CFAP44: variants seen among roughly 807,000 people sequenced by gnomAD.
CFAP44 encodes the protein cilia- and flagella-associated protein 44.
A neutral mutation model predicts 216.2 loss-of-function variants in CFAP44; 134 were observed. The observed-to-expected ratio is 0.62, with a 90% CI of 0.54 to 0.72. The LOEUF is 0.72. Ranked by LOEUF, CFAP44 falls within the 30% of genes least tolerant of loss-of-function variation. CFAP44 has a pLI of 0.00. For synonymous variants in CFAP44, 700 were observed against 727.6 expected, an observed-to-expected ratio of 0.96 and a Z score of 0.61; for missense variants, 2,035 against 2,182.1, an observed-to-expected ratio of 0.93 and a Z score of 1.34.
intron 22 of CFAP44, among the ~76,000 whole-genome samples, chr3:113,346,823 C>T (rs574877076): frequency 1.3e-4 from 20 of 152,330 alleles, no homozygotes; most frequent in African/African-American, 4.1e-4. Flanking sequence ...CAGCCAGCAG[C>T]GGCAAACCAC....
At chr3:113,441,375 G>C (rs1935359857) in intron 1 of CFAP44, 78 bp downstream of exon 1, 1 of 984,780 alleles carries the variant, frequency 1.0e-6, no homozygotes, top group Non-Finnish European at 1.2e-6. Flanking sequence ...AGAAGCCCAA[G>C]TGGGGTTCAC....
At position 113,420,018 on chromosome 3, in the gene CFAP44, C is replaced by T; in HGVS notation, c.569G>A (p.Gly190Glu). The change falls in exon 5 of 35, where the codon GGG (glycine) becomes GAG (glutamate). Residue 190 changes from glycine (G) to glutamate (E), a missense_variant and splice_region_variant. Coordinates refer to ENST00000393845, the MANE Select transcript of CFAP44 (RefSeq NM_001164496.2). Reference protein sequence around the residue: ...SSSGEGIGVIGVHPHKTYFTV... With the variant: ...SSSGEGIGVIEVHPHKTYFTV... The stretch of plus-strand genomic sequence containing the variant: ...TTTTCTAATTTATTGAAGGCATACC[C>T]CAATGACGCCAATTCCTTCACCACT... 1 of 1,611,932 alleles carries T rather than the reference C, an allele frequency of 6.2e-7. No individual in the cohort carries two copies. Among genetic ancestry groups the T allele is most frequent in the Non-Finnish European group, 8.5e-7 (1 of 1,179,212 alleles).
At position 113,287,268 on chromosome 3, in the gene CFAP44, C is replaced by T. The variant is rs1391921502; in HGVS notation, c.*4289G>A. ...GGCACGGTATCACAGCCTGGAGACACCCACACAGATGGCTGGATCCGGTGC... is the reference window on the plus strand; with the variant it reads ...GGCACGGTATCACAGCCTGGAGACATCCACACAGATGGCTGGATCCGGTGC... On this transcript the variant is annotated 3_prime_UTR_variant, in exon 35 of 35. Transcript: ENST00000393845. 8.3e-5 allele frequency: 27 copies of T among 325,126 alleles called. No homozygotes were observed. Among genetic ancestry groups the T allele is most frequent in the Non-Finnish European group, 1.2e-4 (20 of 166,040 alleles). The allele number at this position is 325,126 out of a possible 1,614,324, so 20.1% of individuals were successfully genotyped here.
At chr3:113,364,926 T>TAA (rs35327600) in intron 19 of CFAP44, among the ~76,000 whole-genome samples, 5 of 151,910 alleles carry the variant, frequency 3.3e-5, no homozygotes, top group African/African-American at 9.7e-5. Flanking sequence ...TTGTTTTTTT[T>TAA]AAAAAAAATC....
At chr3:113,419,597 T>C (rs1225054319) in intron 5 of CFAP44, among the ~76,000 whole-genome samples, 1 of 152,194 alleles carries the variant, frequency 6.6e-6, no homozygotes, top group African/African-American at 2.4e-5. Context: ...CCATAGTCAA[T>C]CTATGTCTAC....
intron 28 of CFAP44, among the ~76,000 whole-genome samples, chr3:113,326,149 A>G (rs1199296397): frequency 1.3e-5 from 2 of 152,374 alleles, no homozygotes; most frequent in South Asian, 2.1e-4. Context: ...AATAAGATAT[A>G]CATATGGCAA....
intron 34 of CFAP44, chr3:113,294,022 A>G (rs1223642916): frequency 2.2e-6 from 1 of 456,612 alleles, no homozygotes; most frequent in African/African-American, 2.0e-5. Flanking sequence ...CACTTAGCTT[A>G]GACCATTTCC....
At chr3:113,368,044 AG>A (rs1483260379) in intron 18 of CFAP44, among the ~76,000 whole-genome samples, 2 of 152,248 alleles carry the variant, frequency 1.3e-5, no homozygotes, top group Non-Finnish European at 2.9e-5. Context: ...TAGAGAAAAA[AG>A]AGTAAAAAGA....
Position 113,379,529 on chromosome 3 carries a change from C to T in CFAP44, c.2075G>A (p.Arg692Lys), listed in dbSNP as rs1489294283. The T allele has an allele frequency of 1.3e-6, 2 of 1,589,918 alleles. No homozygotes were observed. The highest frequency in any genetic ancestry group is 1.7e-6 in the Non-Finnish European group (2 of 1,160,188). The change falls in exon 17 of 35, where the codon AGG (arginine) becomes AAG (lysine). Residue 692 changes from arginine (R) to lysine (K), a missense_variant. Coordinates refer to ENST00000393845, the MANE Select transcript of CFAP44 (RefSeq NM_001164496.2). ...CTCCTTCAACTCCCTTTGTCTCTCC[C>T]TCTTTTCAATTTCTATTAATCTCTT... ...KILRLIEIEK[R>K]ERQRELKEKI...
At chr3:113,302,772 C>CAAAA (rs57355375) in intron 32 of CFAP44, among the ~76,000 whole-genome samples, 2,378 of 44,396 alleles carry the variant, frequency 0.054, 51 homozygotes, top group East Asian at 0.078. Flanking sequence ...GACTCCATCT[C>CAAAA]AAAAAAAAAA....
At chr3:113,374,143 A>C (rs967765799) in intron 17 of CFAP44, among the ~76,000 whole-genome samples, 23 of 152,144 alleles carry the variant, frequency 1.5e-4, no homozygotes, top group Non-Finnish European at 2.9e-4. Context: ...TAACATCATG[A>C]TCACCTCTGA....
chr3:113,373,272 T>G, intron 18 of CFAP44, 139 bp downstream of exon 18: 1 of 745,382 alleles, frequency 1.3e-6, no homozygotes, highest in Non-Finnish European at 1.9e-6. Context: ...TATTTATTCA[T>G]TTGATTTATT....
chr3:113,430,429 G>GAAAAAAAAAAA (rs754983161), intron 2 of CFAP44, among the ~76,000 whole-genome samples: 15 of 74,136 alleles, frequency 2.0e-4, no homozygotes, highest in East Asian at 4.5e-4. Flanking sequence ...AAAAATAAAT[G>GAAAAAAAAAAA]AAAAAAAAAA....
chr3:113,385,810 A>AT (rs34847590), intron 15 of CFAP44, among the ~76,000 whole-genome samples: 10,276 of 144,816 alleles, frequency 0.071, 1,117 homozygotes, highest in African/African-American at 0.24. Flanking sequence ...TAATTTTTGT[A>AT]TTTTTTTTTT....
At chr3:113,293,031 G>A (rs7626067) in intron 34 of CFAP44, among the ~76,000 whole-genome samples, 5,090 of 152,208 alleles carry the variant, frequency 0.033, 260 homozygotes, top group African/African-American at 0.11. Context: ...AAACCAAAGC[G>A]TGTAGTCATC....
rs770599155 is a variant in CFAP44 at position 113,358,746 on chromosome 3, G to A, written c.3064C>T (p.Arg1022Ter). 9 of 1,536,212 alleles carry A rather than the reference G, an allele frequency of 5.9e-6. No individual in the cohort carries two copies. The highest frequency in any genetic ancestry group is 2.7e-5 in the African/African-American group (2 of 72,958). ...HELGLMKLKN[R>*]FRDPLESDTI... ...GCTTGTAGAGAATATGGATCCTACC[G>A]ATTCTTTAGCTTCATTAGGCCGAGT... The change falls in exon 22 of 35, where the codon CGA becomes TGA. Residue 1022 changes from arginine (R) to a stop codon, truncating the protein, a stop_gained and splice_region_variant. Coordinates refer to ENST00000393845, the MANE Select transcript of CFAP44 (RefSeq NM_001164496.2). LOFTEE classifies it high-confidence loss of function.
At chr3:113,428,081 G>A (rs1222868151) in intron 2 of CFAP44, among the ~76,000 whole-genome samples, 2 of 152,222 alleles carry the variant, frequency 1.3e-5, no homozygotes, top group African/African-American at 4.8e-5. Context: ...GAGTTCCTTA[G>A]GATGCGTGTA....
rs181705186 is a variant in CFAP44, at chr3:113,377,434, T to C, written c.2298+1872A>G. ...GGAGCCAGATTGCTTGAGTCCAGAT[T>C]CTAGTTTCACTTCTCATTAGTTATA... is the stretch of plus-strand genomic sequence containing the variant. On this transcript the variant is annotated intron_variant, in intron 17 of 34. Coordinates refer to ENST00000393845, the MANE Select transcript of CFAP44 (RefSeq NM_001164496.2). Among the ~76,000 whole-genome samples, 286 of 152,226 alleles carry C rather than the reference T, an allele frequency of 1.9e-3. 2 individuals carry two copies. Among genetic ancestry groups the C allele is most frequent in the African/African-American group, 5.6e-3 (233 of 41,518 alleles).
chr3:113,293,487 T>C (rs1206822133), intron 34 of CFAP44, among the ~76,000 whole-genome samples: 4 of 152,070 alleles, frequency 2.6e-5, no homozygotes, highest in African/African-American at 4.8e-5. Context: ...TGTAAACATA[T>C]ACTGTGTAAA....
Sources: allele counts gnomAD v4.1 joint callset (sites outside exome capture counted in the v4.1 genomes callset), GRCh38; gene constraint gnomAD v4.1.1; transcripts MANE v1.5; gene names NCBI Gene and HGNC (gene_info 2026-07-23, HGNC 2026-07-21).